Variants in TTC28 observed in about 807,000 individuals in gnomAD.
TTC28 encodes the protein tetratricopeptide repeat protein 28.
Under a neutral mutation model 198.0 loss-of-function variants are expected in TTC28, and 61 were observed. The observed-to-expected ratio is 0.31, with a 90% CI of 0.25 to 0.38. TTC28 has a LOEUF of 0.38. TTC28 is among the 10% of genes least tolerant of loss of function. The pLI is 1.00. For missense variants in TTC28, 2,678 were observed against 3,164.0 expected, an observed-to-expected ratio of 0.85 and a Z score of 3.69; for synonymous variants, 1,171 against 1,297.8, an observed-to-expected ratio of 0.90 and a Z score of 2.10.
At chr22:28,110,093 A>G (rs1942441684) in intron 6 of TTC28, among the ~76,000 whole-genome samples, 1 of 152,180 alleles carries the variant, frequency 6.6e-6, no homozygotes. Flanking sequence ...CAGAGAGCAC[A>G]CTGAGTGAAA....
At chr22:28,488,876 GGAAACAAGCCACCATGAGCAAGAGACA>G in intron 2 of TTC28, among the ~76,000 whole-genome samples, 1 of 152,242 alleles carries the variant, frequency 6.6e-6, no homozygotes. Flanking sequence ...AACCATGTAA[GGAAACAAGCCACCATGAGCAAGAGACA>G]GAATAAAAAA....
chr22:28,567,471 CATACATACATATATAT>C (rs979493933), intron 2 of TTC28, among the ~76,000 whole-genome samples: 766 of 27,120 alleles, frequency 0.028, 17 homozygotes, highest in African/African-American at 0.078. Flanking sequence ...CACGCATATA[CATACATACATATATAT>C]ATATATATAT....
chr22:28,091,800 A>G lies in TTC28; in HGVS notation c.3932+2280T>C, dbSNP rs767202996. 3.8e-4 allele frequency among the ~76,000 whole-genome samples: 58 copies of G among 152,168 alleles called. 1 individual carries two copies. The highest frequency in any genetic ancestry group is 2.0e-4 in the Admixed American group (3 of 15,268). ...TGCTCTCACAGAACTGAAAAAGAGT[A>G]AACAACAGAGTATATAAAATCTTCT... On this transcript the variant is annotated intron_variant, in intron 12 of 22. Coordinates refer to ENST00000397906, the MANE Select transcript of TTC28 (RefSeq NM_001145418.2).
chr22:28,473,650 T>C (rs2048126709), intron 2 of TTC28, among the ~76,000 whole-genome samples: 1 of 152,218 alleles, frequency 6.6e-6, no homozygotes, highest in Non-Finnish European at 1.5e-5. Flanking sequence ...CTGCTGCTGC[T>C]GTACACTGCC....
At chr22:28,300,808 AT>A (rs1384215412) in intron 3 of TTC28, among the ~76,000 whole-genome samples, 1 of 152,218 alleles carries the variant, frequency 6.6e-6, no homozygotes, top group African/African-American at 2.4e-5. Flanking sequence ...AATGACAGGG[AT>A]TGCTGAATAG....
intron 2 of TTC28, among the ~76,000 whole-genome samples, chr22:28,593,461 G>GTAGA (rs200269732): frequency 0.018 from 2,596 of 144,244 alleles, 19 homozygotes; most frequent in Non-Finnish European, 0.024. Context: ...AGGTAGATAG[G>GTAGA]TAGGTAGCTA....
intron 1 of TTC28, among the ~76,000 whole-genome samples, chr22:28,676,333 G>C (rs1342525621): frequency 6.6e-6 from 1 of 152,218 alleles, no homozygotes; most frequent in Non-Finnish European, 1.5e-5. Flanking sequence ...AAGTAGGCTA[G>C]TTATTGCCAG....
chr22:28,553,032 G>T (rs535088557), intron 2 of TTC28, among the ~76,000 whole-genome samples: 1 of 152,082 alleles, frequency 6.6e-6, no homozygotes, highest in African/African-American at 2.4e-5. Context: ...CGAGTGATCC[G>T]CCAGCCTCGG....
At chr22:28,338,356 C>T (rs1244376888) in intron 2 of TTC28, among the ~76,000 whole-genome samples, 1 of 152,086 alleles carries the variant, frequency 6.6e-6, no homozygotes, top group East Asian at 1.9e-4. Flanking sequence ...TTGTGGCGTT[C>T]TCTGTATTTC....
chr22:28,198,738 G>A (rs941647446), intron 5 of TTC28, among the ~76,000 whole-genome samples: 1 of 152,090 alleles, frequency 6.6e-6, no homozygotes, highest in Non-Finnish European at 1.5e-5. Context: ...AAGCTGCTAG[G>A]AGCTCTGCCA....
intron 2 of TTC28, among the ~76,000 whole-genome samples, chr22:28,420,743 G>T (rs1233660779): frequency 6.6e-6 from 1 of 151,918 alleles, no homozygotes; most frequent in East Asian, 1.9e-4. Flanking sequence ...GGGATTACAG[G>T]TGTGCACTAC....
intron 6 of TTC28, among the ~76,000 whole-genome samples, chr22:28,136,059 T>A (rs2146974649): frequency 1.3e-5 from 2 of 152,310 alleles, no homozygotes; most frequent in South Asian, 4.1e-4. Context: ...CAATGACCAG[T>A]TGCTATAAAA....
At chr22:28,498,308 A>G (rs1341861396) in intron 2 of TTC28, among the ~76,000 whole-genome samples, 1 of 152,238 alleles carries the variant, frequency 6.6e-6, no homozygotes, top group East Asian at 1.9e-4. Context: ...CTATGAATAC[A>G]GCAAATGCAG....
chr22:28,224,657 G>C (rs952965902), intron 5 of TTC28, among the ~76,000 whole-genome samples: 2 of 152,164 alleles, frequency 1.3e-5, no homozygotes, highest in Admixed American at 6.5e-5. Context: ...AAGTTTCTGA[G>C]CTAAATGGGC....
intron 5 of TTC28, among the ~76,000 whole-genome samples, chr22:28,275,224 T>A (rs1372744333): frequency 6.6e-6 from 1 of 152,172 alleles, no homozygotes; most frequent in Non-Finnish European, 1.5e-5. Flanking sequence ...AGAAAATCCA[T>A]CAGTCTGGTA....
intron 5 of TTC28, among the ~76,000 whole-genome samples, chr22:28,204,176 C>T (rs746875488): frequency 3.9e-5 from 6 of 152,098 alleles, no homozygotes; most frequent in African/African-American, 9.7e-5. Flanking sequence ...CTATGTATCC[C>T]GGATTAAACC....
At chr22:28,525,841 A>G (rs2048994692) in intron 2 of TTC28, among the ~76,000 whole-genome samples, 1 of 152,228 alleles carries the variant, frequency 6.6e-6, no homozygotes, top group East Asian at 1.9e-4. Flanking sequence ...TAGTAACTCC[A>G]TAAGTAACAG....
At chr22:28,361,042 C>CTCTCCT (rs2046150649) in intron 2 of TTC28, among the ~76,000 whole-genome samples, 2 of 152,202 alleles carry the variant, frequency 1.3e-5, no homozygotes, top group Admixed American at 1.3e-4. Context: ...TCCCTTGTCT[C>CTCTCCT]TCTCCTTCTT....
chr22:28,336,456 T>C (rs1459938629), intron 2 of TTC28, among the ~76,000 whole-genome samples: 1 of 152,208 alleles, frequency 6.6e-6, no homozygotes, highest in African/African-American at 2.4e-5. Flanking sequence ...CAGCAGTGAA[T>C]CCATCTGGTC....
Sources: gnomAD v4.1 joint callset for allele counts (sites outside exome capture counted in the v4.1 genomes callset) on GRCh38, gnomAD v4.1.1 for gene constraint, MANE v1.5 for transcripts, NCBI Gene and HGNC (gene_info 2026-07-23, HGNC 2026-07-21) for gene names.